Variants in PGM2L1 observed in about 807,000 individuals in gnomAD.
The protein encoded by PGM2L1 is glucose 1,6-bisphosphate synthase.
Under a neutral mutation model 73.4 loss-of-function variants are expected in PGM2L1, and 35 were observed. The observed-to-expected ratio is 0.48, with a 90% CI of 0.36 to 0.63. The LOEUF (loss-of-function observed/expected upper bound fraction) is 0.63. Ranked by LOEUF, PGM2L1 falls within the 30% of genes least tolerant of loss-of-function variation. The pLI, the probability that PGM2L1 is intolerant of heterozygous loss-of-function variation, is 0.00. For synonymous variants in PGM2L1, 225 were observed against 253.8 expected, an observed-to-expected ratio of 0.89 and a Z score of 1.08; for missense variants, 570 against 742.0, an observed-to-expected ratio of 0.77 and a Z score of 2.69.
intron 12 of PGM2L1, among the ~76,000 whole-genome samples, chr11:74,339,341 T>G (rs1862148721): frequency 6.6e-6 from 1 of 152,168 alleles, no homozygotes; most frequent in Non-Finnish European, 1.5e-5. Context: ...ATATATGGAT[T>G]AACACTGGTA....
At position 74,331,336 on chromosome 11, in the gene PGM2L1, C is replaced by A. The variant is rs617184; in HGVS notation, c.*5316G>T. 8,026 of 146,398 alleles carry A rather than the reference C, an allele frequency of 0.055. 695 individuals are homozygous for A. The highest frequency in any genetic ancestry group is 0.19 in the African/African-American group (7,531 of 40,256). 9.1% of individuals were successfully genotyped at this position (146,398 alleles called of 1,614,324 possible). On this transcript the variant is annotated 3_prime_UTR_variant, in exon 14 of 14. Coordinates refer to ENST00000298198, the MANE Select transcript of PGM2L1 (RefSeq NM_173582.6). ...GGAGTGCAACGGCGCGATCTTGGCT[C>A]ACCACAACCTCCACCTCCTGGGTTC... is the stretch of plus-strand genomic sequence containing the variant.
At chr11:74,377,105 A>G (rs919540907) in intron 1 of PGM2L1, among the ~76,000 whole-genome samples, 4 of 151,838 alleles carry the variant, frequency 2.6e-5, no homozygotes, top group Non-Finnish European at 2.9e-5. Flanking sequence ...AAGATTCTAA[A>G]GAATTATAAA....
intron 1 of PGM2L1, among the ~76,000 whole-genome samples, chr11:74,385,168 T>C (rs1328922008): frequency 4.6e-5 from 7 of 152,222 alleles, no homozygotes; most frequent in Admixed American, 1.3e-4. Context: ...TGGAGGAAGA[T>C]TGTCCAAATT....
chr11:74,338,751 G>A (rs1862136521), intron 12 of PGM2L1, 150 bp from the exon 13 acceptor site: 2 of 972,530 alleles, frequency 2.1e-6, no homozygotes, highest in South Asian at 4.3e-5. Context: ...AGTTGCCAAG[G>A]CAGGGGGTAT....
At position 74,332,305 on chromosome 11, in the gene PGM2L1, T is replaced by C. The variant is rs1862027446; in HGVS notation, c.*4347A>G. On this transcript the variant is annotated 3_prime_UTR_variant, in exon 14 of 14. Transcript: ENST00000298198. ...AGAACAATCTCAGATGACAAGTGAATTGTAAAAGGCCGTAATAAATTAACA... is the reference window on the plus strand; with the variant it reads ...AGAACAATCTCAGATGACAAGTGAACTGTAAAAGGCCGTAATAAATTAACA... 1 of 152,228 alleles carries C rather than the reference T, an allele frequency of 6.6e-6. No individual in the cohort carries two copies. Among genetic ancestry groups the C allele is most frequent in the Non-Finnish European group, 1.5e-5 (1 of 68,044 alleles). The allele number at this position is 152,228 out of a possible 1,614,324, so 9.4% of individuals were successfully genotyped here.
At position 74,342,508 on chromosome 11, in the gene PGM2L1, G is replaced by A. The variant is rs371880752; in HGVS notation, c.1585C>T (p.Arg529Trp). 40 of 1,602,584 alleles carry A rather than the reference G, an allele frequency of 2.5e-5. No individual in the cohort carries two copies. The highest frequency in any genetic ancestry group is 5.1e-5 in the Admixed American group (3 of 58,396). Residue 529 changes from arginine (R) to tryptophan (W), a missense_variant, in exon 12 of 14, where the codon CGG becomes TGG. Transcript: ENST00000298198. The part of the protein sequence containing the change: ...FCGTFAILHV[R>W]DVTTGYDSSQ... The stretch of plus-strand genomic sequence containing the variant: ...CTGTCATATCCAGTGGTAACGTCCC[G>A]TACATGCAATATAGCAAATGTTCCA...
chr11:74,376,469 T>C (rs1318991455), intron 1 of PGM2L1, among the ~76,000 whole-genome samples: 2 of 149,992 alleles, frequency 1.3e-5, no homozygotes, highest in Admixed American at 1.3e-4. Context: ...ATATATATAG[T>C]ATGTATATAT....
rs1318110946 is a variant in PGM2L1 at position 74,332,982 on chromosome 11, T to C, written c.*3670A>G. 1 of 152,540 alleles carries C rather than the reference T, an allele frequency of 6.6e-6. No homozygotes were observed. Among genetic ancestry groups the C allele is most frequent in the African/African-American group, 2.4e-5 (1 of 41,460 alleles). 9.4% of individuals were successfully genotyped at this position (152,540 alleles called of 1,614,324 possible). On this transcript the variant is annotated 3_prime_UTR_variant, in exon 14 of 14. Coordinates refer to ENST00000298198, the MANE Select transcript of PGM2L1 (RefSeq NM_173582.6). ...ACAGTGAAGCAGGAAAATTATTCAT[T>C]GCACTTATGCATCAGTTACTCAAAA...
At chr11:74,379,266 GC>G (rs557456958) in intron 1 of PGM2L1, among the ~76,000 whole-genome samples, 107 of 152,086 alleles carry the variant, frequency 7.0e-4, no homozygotes, top group African/African-American at 2.4e-3. Flanking sequence ...TCAACAATCA[GC>G]CCTCATGTGA....
Position 74,343,365 on chromosome 11 carries a change from C to T in PGM2L1, c.1270G>A (p.Glu424Lys). 7.5e-6 allele frequency: 12 copies of T among 1,610,230 alleles called. No homozygotes were observed. Among genetic ancestry groups the T allele is most frequent in the Admixed American group, 3.4e-5 (2 of 59,054 alleles). Residue 424 changes from glutamate to lysine, a missense_variant, in exon 10 of 14, where the codon GAA becomes AAA. Glu to Lys is a moderately conservative substitution (Grantham distance 56). Coordinates refer to ENST00000298198, the MANE Select transcript of PGM2L1 (RefSeq NM_173582.6). ...GCAAAAAGGACTTCTTTCCCATTTT[C>T]CAGGAGGTCTATTATCCTACTTCCA... ...WIGSRIIDLL[E>K]NGKEVLFAFE...
At chr11:74,341,192 T>C (rs138201841) in intron 12 of PGM2L1, among the ~76,000 whole-genome samples, 1 of 152,196 alleles carries the variant, frequency 6.6e-6, no homozygotes, top group Non-Finnish European at 1.5e-5. Flanking sequence ...AAGGATAGGA[T>C]CAAAGTCAGA....
chr11:74,359,713 GAAAAAGATGGAGAAGTGACA>G (rs1170402421), intron 5 of PGM2L1, among the ~76,000 whole-genome samples: 1 of 152,068 alleles, frequency 6.6e-6, no homozygotes, highest in African/African-American at 2.4e-5. Flanking sequence ...CATTTATGGA[GAAAAAGATGGAGAAGTGACA>G]AACACGTATA....
chr11:74,372,696 C>T (rs1862787513), intron 2 of PGM2L1, among the ~76,000 whole-genome samples: 1 of 152,076 alleles, frequency 6.6e-6, no homozygotes, highest in Non-Finnish European at 1.5e-5. Context: ...TAATGTCATG[C>T]CTAAGGCCAT....
At chr11:74,345,444 G>C (rs951231231) in intron 9 of PGM2L1, 25 bp downstream of exon 9, 1 of 1,568,750 alleles carries the variant, frequency 6.4e-7, no homozygotes, top group African/African-American at 1.4e-5. Context: ...TTAAAAAGTA[G>C]CACACAGATA....
chr11:74,358,482 C>T lies in PGM2L1; in HGVS notation c.556-6906G>A, dbSNP rs573102889. ...AGATTAAAAGCTTTGATAATACAAT[C>T]ATGGAAGATACAGGATAAAGGCCGT... On this transcript the variant is annotated intron_variant, in intron 5 of 13. Transcript: ENST00000298198. Among the ~76,000 whole-genome samples the T allele has an allele frequency of 3.9e-5, 6 of 152,274 alleles. No individual in the cohort carries two copies. The South Asian group carries it at 1.2e-3, about 32-fold the overall frequency.
At chr11:74,354,665 G>A (rs1862414627) in intron 5 of PGM2L1, 5 of 1,127,584 alleles carry the variant, frequency 4.4e-6, no homozygotes, top group African/African-American at 1.5e-5. Flanking sequence ...ATGAATGCAG[G>A]GCCACACAAG....
At chr11:74,397,901 C>A (rs1863203249) in intron 1 of PGM2L1, 150 bp downstream of exon 1, 3 of 1,320,168 alleles carry the variant, frequency 2.3e-6, no homozygotes, top group Non-Finnish European at 2.9e-6. Flanking sequence ...CAACCCCACG[C>A]ATAGGTGGGT....
chr11:74,354,166 C>G (rs1231525056), intron 5 of PGM2L1, among the ~76,000 whole-genome samples: 12 of 151,908 alleles, frequency 7.9e-5, no homozygotes, highest in African/African-American at 2.9e-4. Flanking sequence ...GTGACAGAAC[C>G]ATGCCTGTGG....
intron 5 of PGM2L1, among the ~76,000 whole-genome samples, chr11:74,367,431 G>A (rs1862677968): frequency 6.6e-6 from 1 of 151,962 alleles, no homozygotes; most frequent in Non-Finnish European, 1.5e-5. Flanking sequence ...GTTTAGAATG[G>A]TGATGGTAGA....
Sources: gnomAD v4.1 joint callset for allele counts (sites outside exome capture counted in the v4.1 genomes callset) on GRCh38, gnomAD v4.1.1 for gene constraint, MANE v1.5 for transcripts, NCBI Gene and HGNC (gene_info 2026-07-23, HGNC 2026-07-21) for gene names.